ANO1: variants seen among roughly 807,000 people sequenced by gnomAD.
ANO1 encodes anoctamin 1.
Under a neutral mutation model 124.0 loss-of-function variants are expected in ANO1, and 59 were observed. The ratio of observed to expected loss-of-function variants is 0.48; its 90% CI spans 0.39 to 0.59. The LOEUF (loss-of-function observed/expected upper bound fraction) is 0.59. Ranked by LOEUF, ANO1 falls within the 20% of genes least tolerant of loss-of-function variation. The pLI is 0.00. For missense variants in ANO1, 1,059 were observed against 1,328.0 expected (o/e 0.80, Z 3.15); for synonymous variants, 529 against 532.0 (o/e 0.99, Z 0.08).
At chr11:69,972,856 A>T in the ANO1 span, among the ~76,000 whole-genome samples, 2 of 147,368 alleles carry the variant, frequency 1.4e-5, no homozygotes, top group Non-Finnish European at 3.0e-5. Flanking sequence ...ACTCAGTGGG[A>T]CCCTCCCTGG....
chr11:70,114,029 T>C (rs1254903518), intron 7 of ANO1, among the ~76,000 whole-genome samples: 2 of 152,206 alleles, frequency 1.3e-5, no homozygotes, highest in African/African-American at 2.4e-5. Context: ...ACAGTTTAAA[T>C]TGACTGGCGC....
intron 14 of ANO1, among the ~76,000 whole-genome samples, chr11:70,153,836 G>A (rs563489991): frequency 3.7e-4 from 57 of 152,130 alleles, no homozygotes; most frequent in African/African-American, 1.3e-3. Flanking sequence ...CATGATCTCG[G>A]CTCACTGCAA....
intron 3 of ANO1, 83 bp from the exon 4 acceptor site, chr11:70,103,916 T>A: frequency 6.8e-7 from 1 of 1,478,174 alleles, no homozygotes; most frequent in Non-Finnish European, 9.1e-7. Flanking sequence ...GGTGGGATGG[T>A]TCTCTGACCA....
chr11:70,084,313 C>G (rs2509126), intron 1 of ANO1, among the ~76,000 whole-genome samples: 102,411 of 152,072 alleles, frequency 0.67, 35,463 homozygotes, highest in South Asian at 0.83. Context: ...GTCACCAGCT[C>G]CCTGTAACCC....
At chr11:70,176,026 G>T (rs552385485) in intron 22 of ANO1, among the ~76,000 whole-genome samples, 8 of 152,104 alleles carry the variant, frequency 5.3e-5, no homozygotes, top group Non-Finnish European at 1.2e-4. Context: ...AGGTGGCCGT[G>T]GTACAGCTTG....
intron 2 of ANO1, among the ~76,000 whole-genome samples, chr11:70,095,693 A>G (rs981486625): frequency 4.6e-5 from 7 of 152,316 alleles, no homozygotes; most frequent in Non-Finnish European, 5.9e-5. Flanking sequence ...TGGGGTATTT[A>G]CACCATGGGA....
chr11:70,184,677 T>C (rs913105060), intron 24 of ANO1, among the ~76,000 whole-genome samples: 2 of 152,232 alleles, frequency 1.3e-5, no homozygotes, highest in African/African-American at 4.8e-5. Context: ...CTTTCGCAAA[T>C]GTTTGATAAA....
intron 1 of ANO1, among the ~76,000 whole-genome samples, chr11:70,011,020 A>C (rs2120354710): frequency 6.6e-6 from 1 of 152,350 alleles, no homozygotes; most frequent in East Asian, 1.9e-4. Flanking sequence ...TGCAGATAGA[A>C]TATACAAGGG....
At chr11:70,075,104 C>T (rs564022593), upstream of ANO1, 1 of 152,346 alleles carries the variant, frequency 6.6e-6, no homozygotes, top group East Asian at 1.9e-4. Context: ...CCTGTGTCTC[C>T]ATAATTTGGG....
the ANO1 span, among the ~76,000 whole-genome samples, chr11:69,978,669 G>A: frequency 2.0e-5 from 3 of 152,110 alleles, no homozygotes; most frequent in Non-Finnish European, 2.9e-5. Context: ...CTTCTTGATT[G>A]TCCTATTTGT....
chr11:70,123,421 G>A (rs1034830579), intron 8 of ANO1, among the ~76,000 whole-genome samples: 2 of 152,212 alleles, frequency 1.3e-5, no homozygotes, highest in African/African-American at 4.8e-5. Flanking sequence ...TCAGGCACGC[G>A]AGGCTATGTC....
At chr11:69,976,526 A>G in the ANO1 span, among the ~76,000 whole-genome samples, 7 of 21,176 alleles carry the variant, frequency 3.3e-4, no homozygotes, top group East Asian at 2.9e-3. Context: ...AAAAAAAAAA[A>G]AAAAAAAAAA....
intron 9 of ANO1, among the ~76,000 whole-genome samples, chr11:70,125,790 G>A (rs61885492): frequency 1.6e-3 from 237 of 150,472 alleles, no homozygotes; most frequent in Non-Finnish European, 3.0e-3. Context: ...CTTGCAGTGA[G>A]CCGAGATAGC....
At chr11:70,005,187 A>G (rs1412781518) in intron 1 of ANO1, among the ~76,000 whole-genome samples, 2 of 152,010 alleles carry the variant, frequency 1.3e-5, no homozygotes, top group African/African-American at 4.8e-5. Flanking sequence ...TGGCTACTGA[A>G]CATCTCTTTA....
At chr11:70,043,532 A>G (rs1555005280) in intron 1 of ANO1, among the ~76,000 whole-genome samples, 1 of 152,218 alleles carries the variant, frequency 6.6e-6, no homozygotes, top group Non-Finnish European at 1.5e-5. Flanking sequence ...AAGGCACATT[A>G]TAATCAAACT....
intron 1 of ANO1, among the ~76,000 whole-genome samples, chr11:69,987,754 G>A (rs960716273): frequency 3.3e-5 from 5 of 152,106 alleles, no homozygotes; most frequent in Non-Finnish European, 7.3e-5. Flanking sequence ...ACCGTTCCCT[G>A]TGCATGAGGG....
intron 1 of ANO1, among the ~76,000 whole-genome samples, chr11:70,006,906 G>A (rs1292955138): frequency 1.3e-5 from 2 of 151,900 alleles, no homozygotes; most frequent in South Asian, 2.1e-4. Flanking sequence ...CTGACTTCAG[G>A]TGATCCGCCC....
In ANO1 at chr11:70,187,615, G is replaced by A. The variant is rs1565292660; in HGVS notation, c.2695-123G>A. On this transcript the variant is annotated intron_variant, in intron 25 of 25. Transcript: ENST00000355303. Reference sequence around the variant, plus strand: ...ATAGCTTCTGGAAAACTGAGGCCCAGGGAGGTCAATGGGCCAGGAGGTGGT... The same window carrying A: ...ATAGCTTCTGGAAAACTGAGGCCCAAGGAGGTCAATGGGCCAGGAGGTGGT... 7.3e-6 allele frequency: 9 copies of A among 1,229,360 alleles called. No individual in the cohort carries two copies. The South Asian group carries it at 1.1e-4, about 15-fold the overall frequency. 76.2% of individuals were successfully genotyped at this position (1,229,360 alleles called of 1,614,324 possible).
chr11:70,159,065 C>G (rs771004123), intron 16 of ANO1, among the ~76,000 whole-genome samples: 38 of 152,138 alleles, frequency 2.5e-4, no homozygotes, highest in Non-Finnish European at 4.7e-4. Flanking sequence ...AGTGCGGGGC[C>G]GGGAAGGAGG....
Sources: gnomAD v4.1 joint callset for allele counts (sites outside exome capture counted in the v4.1 genomes callset) on GRCh38, gnomAD v4.1.1 for gene constraint, MANE v1.5 for transcripts, NCBI Gene and HGNC (gene_info 2026-07-23, HGNC 2026-07-21) for gene names.